The following OXR1 variants were observed in gnomAD, a reference collection of about 807,000 sequenced individuals.
The protein encoded by OXR1 is oxidation resistance 1.
A neutral mutation model predicts 104.6 loss-of-function variants in OXR1; 41 were observed. The ratio of observed to expected loss-of-function variants is 0.39; its 90% CI spans 0.31 to 0.51. OXR1 has a LOEUF of 0.51. Among genes scored for constraint, OXR1 ranks in the 20% least tolerant of loss-of-function variants. OXR1 has a pLI of 0.77. For synonymous variants in OXR1, 348 were observed against 348.4 expected, an observed-to-expected ratio of 1.00 and a Z score of 0.01; for missense variants, 955 against 1,031.9, an observed-to-expected ratio of 0.93 and a Z score of 1.02.
At chr8:106,681,651 A>G (rs1041181943) in intron 4 of OXR1, among the ~76,000 whole-genome samples, 1 of 152,052 alleles carries the variant, frequency 6.6e-6, no homozygotes, top group Non-Finnish European at 1.5e-5. Flanking sequence ...CAGCTTCCTG[A>G]GTAGCTGGGA....
chr8:106,661,531 G>A (rs956976300), intron 3 of OXR1, among the ~76,000 whole-genome samples: 11 of 151,986 alleles, frequency 7.2e-5, no homozygotes, highest in Non-Finnish European at 1.2e-4. Flanking sequence ...TTGTTTGGGG[G>A]CATAACTATA....
At chr8:106,509,192 A>C (rs370059783) in intron 2 of OXR1, among the ~76,000 whole-genome samples, 1 of 152,226 alleles carries the variant, frequency 6.6e-6, no homozygotes, top group Non-Finnish European at 1.5e-5. Context: ...AAGACTGTTT[A>C]ACATTTACAA....
rs1314411572 is a variant in OXR1, at chr8:106,468,406, A to G, written c.24-50537A>G. 2.0e-5 allele frequency among the ~76,000 whole-genome samples: 3 copies of G among 151,842 alleles called. No homozygotes were observed. In the East Asian group the frequency reaches 5.8e-4, roughly 29 times the overall value. On this transcript the variant is annotated intron_variant, in intron 2 of 16. Coordinates refer to ENST00000517566, the MANE Select transcript of OXR1 (RefSeq NM_001198533.2). ...TAGAAGATAGCTATACATATACTAC[A>G]TCCACACACACACACAAAAAACAAC...
At chr8:106,379,038 C>T (rs16874477) in intron 2 of OXR1, among the ~76,000 whole-genome samples, 5,814 of 152,144 alleles carry the variant, frequency 0.038, 173 homozygotes, top group African/African-American at 0.077. Flanking sequence ...ATAAGTTAGC[C>T]GTAATTATGA....
chr8:106,479,733 CTT>C (rs1244497245), intron 2 of OXR1, among the ~76,000 whole-genome samples: 2 of 152,012 alleles, frequency 1.3e-5, no homozygotes, highest in African/African-American at 4.8e-5. Context: ...GATAACATGA[CTT>C]AGTTAATATA....
At chr8:106,377,806 C>G (rs1202198762) in intron 2 of OXR1, among the ~76,000 whole-genome samples, 1 of 152,142 alleles carries the variant, frequency 6.6e-6, no homozygotes, top group African/African-American at 2.4e-5. Flanking sequence ...TGCTTTAACC[C>G]TTAATCAGTT....
At chr8:106,744,222 AAG>A (rs1835191373) in intron 15 of OXR1, among the ~76,000 whole-genome samples, 1 of 152,216 alleles carries the variant, frequency 6.6e-6, no homozygotes, top group African/African-American at 2.4e-5. Context: ...AAGGAAAAAA[AAG>A]AGAAAGAGAT....
intron 1 of OXR1, among the ~76,000 whole-genome samples, chr8:106,292,014 A>G (rs1419971675): frequency 6.6e-6 from 1 of 152,210 alleles, no homozygotes; most frequent in Non-Finnish European, 1.5e-5. Flanking sequence ...GGATGGGGAC[A>G]CAGCCAAACC....
At chr8:106,573,714 G>A (rs1363852769) in intron 3 of OXR1, among the ~76,000 whole-genome samples, 1 of 152,152 alleles carries the variant, frequency 6.6e-6, no homozygotes, top group East Asian at 1.9e-4. Context: ...AAAGCAAGAT[G>A]TCTTTATGCT....
chr8:106,533,159 A>G (rs572603473), intron 3 of OXR1, among the ~76,000 whole-genome samples: 2 of 152,286 alleles, frequency 1.3e-5, no homozygotes, highest in South Asian at 2.1e-4. Context: ...GCCCCTGACT[A>G]TTTCTGGACC....
chr8:106,310,018 T>C (rs910271586), intron 1 of OXR1, among the ~76,000 whole-genome samples: 2 of 151,884 alleles, frequency 1.3e-5, no homozygotes, highest in African/African-American at 2.4e-5. Flanking sequence ...GTTTTTGTTT[T>C]GCATATTGTC....
chr8:106,311,247 T>C (rs1025633381), intron 1 of OXR1, among the ~76,000 whole-genome samples: 1 of 152,200 alleles, frequency 6.6e-6, no homozygotes, highest in African/African-American at 2.4e-5. Context: ...TTGTTTCATG[T>C]TTGCATGTCT....
At chr8:106,673,963 T>C (rs1029028436) in intron 3 of OXR1, among the ~76,000 whole-genome samples, 3 of 152,136 alleles carry the variant, frequency 2.0e-5, no homozygotes, top group Non-Finnish European at 2.9e-5. Flanking sequence ...GCTGTAGGGG[T>C]GGAGCCCTCT....
intron 2 of OXR1, among the ~76,000 whole-genome samples, chr8:106,497,822 G>A (rs2129920931): frequency 6.6e-6 from 1 of 152,220 alleles, no homozygotes; most frequent in East Asian, 1.9e-4. Context: ...GCGTGTGTGT[G>A]TGTGTCTTCA....
intron 3 of OXR1, among the ~76,000 whole-genome samples, chr8:106,523,529 T>G (rs1343043592): frequency 1.3e-5 from 2 of 152,164 alleles, no homozygotes; most frequent in African/African-American, 4.8e-5. Flanking sequence ...CTATAGAATA[T>G]GAAATAGAAT....
chr8:106,643,942 A>G (rs953011063), intron 3 of OXR1, among the ~76,000 whole-genome samples: 5 of 152,222 alleles, frequency 3.3e-5, no homozygotes, highest in Non-Finnish European at 7.3e-5. Flanking sequence ...TAGCTCTTAA[A>G]GTAATTATTT....
intron 1 of OXR1, among the ~76,000 whole-genome samples, chr8:106,307,593 G>A (rs1266048193): frequency 1.3e-5 from 2 of 151,466 alleles, no homozygotes; most frequent in African/African-American, 4.9e-5. Context: ...TTTAATCTGT[G>A]TGTATCTACC....
chr8:106,448,062 A>G, intron 2 of OXR1: 5 of 1,535,834 alleles, frequency 3.3e-6, no homozygotes, highest in Non-Finnish European at 4.4e-6. Context: ...GGTGGGATCT[A>G]TCAGCCTCCA....
chr8:106,717,830 A>G (rs1354710136), intron 11 of OXR1, among the ~76,000 whole-genome samples: 36 of 144,180 alleles, frequency 2.5e-4, no homozygotes, highest in African/African-American at 2.6e-5. Flanking sequence ...AAATATTTTC[A>G]TAAAGCCATA....
Sources: gnomAD v4.1 joint callset for allele counts (sites outside exome capture counted in the v4.1 genomes callset) on GRCh38, gnomAD v4.1.1 for gene constraint, MANE v1.5 for transcripts, NCBI Gene and HGNC (gene_info 2026-07-23, HGNC 2026-07-21) for gene names.